Variants in COLEC11 observed in about 807,000 individuals in gnomAD.
COLEC11 encodes collectin subfamily member 11.
Under a neutral mutation model 27.3 loss-of-function variants are expected in COLEC11, and 20 were observed. The observed-to-expected ratio is 0.73, with a 90% CI of 0.51 to 1.06. The LOEUF is 1.06. Ranked by LOEUF, COLEC11 falls within the 50% of genes least tolerant of loss-of-function variation. The pLI is 0.00. For synonymous variants in COLEC11, 163 were observed against 154.7 expected (o/e 1.05, Z -0.40); for missense variants, 310 against 383.0 (o/e 0.81, Z 1.59).
chr2:3,613,192 G>A (rs1319782697), intron 2 of COLEC11, 119 bp from the exon 3 acceptor site: 13 of 1,068,314 alleles, frequency 1.2e-5, no homozygotes, highest in Admixed American at 2.0e-5. Flanking sequence ...GGGAGAGAAG[G>A]GGCTTGGCCA....
intron 3 of COLEC11, among the ~76,000 whole-genome samples, chr2:3,635,874 T>C (rs1485611170): frequency 6.6e-6 from 1 of 152,258 alleles, no homozygotes; most frequent in Non-Finnish European, 1.5e-5. Context: ...CCGGGCCATG[T>C]CATTTTCATA....
At chr2:3,634,897 C>A (rs1226189415) in intron 3 of COLEC11, among the ~76,000 whole-genome samples, 1 of 142,822 alleles carries the variant, frequency 7.0e-6, no homozygotes, top group Non-Finnish European at 1.5e-5. Flanking sequence ...ATGTCTTGGA[C>A]CCTGTCCTCA....
chr2:3,642,781 G>A (rs959246298), intron 5 of COLEC11, among the ~76,000 whole-genome samples: 8 of 152,118 alleles, frequency 5.3e-5, no homozygotes, highest in Non-Finnish European at 1.0e-4. Context: ...CTGTGGGCGC[G>A]GCCTGCCTTC....
chr2:3,605,131 C>G (rs961569196), intron 2 of COLEC11: 7 of 466,676 alleles, frequency 1.5e-5, no homozygotes, highest in Admixed American at 4.9e-5. Flanking sequence ...GCAACAGGTC[C>G]CCAAGCCTGG....
intron 1 of COLEC11, chr2:3,603,606 T>C (rs1662400624): frequency 6.4e-7 from 1 of 1,550,444 alleles, no homozygotes. Flanking sequence ...TGTGAGCCAC[T>C]GCGCCTGGTC....
intron 2 of COLEC11, among the ~76,000 whole-genome samples, chr2:3,612,910 T>C (rs1482823857): frequency 1.3e-5 from 2 of 151,996 alleles, no homozygotes; most frequent in East Asian, 3.9e-4. Context: ...ACCAAGCAGA[T>C]GAAGCTCAGG....
chr2:3,607,058 C>T (rs979553155), intron 2 of COLEC11, among the ~76,000 whole-genome samples: 15 of 152,220 alleles, frequency 9.9e-5, no homozygotes, highest in African/African-American at 3.4e-4. Context: ...GTCTGAGAAA[C>T]ACAGCACGCG....
intron 2 of COLEC11, chr2:3,606,125 G>C: frequency 1.9e-6 from 3 of 1,550,636 alleles, no homozygotes; most frequent in Non-Finnish European, 2.6e-6. Flanking sequence ...GGAACCTTCA[G>C]CTTTAGGTTG....
chr2:3,613,342 C>CCCCGGACGGCCTGGAAGAGTCGG lies in COLEC11; in HGVS notation c.166_188dup (p.Thr64AspfsTer45). ...CGGGAGAGAAGGGAGACAAAGGCGC[C>CCCCGGACGGCCTGGAAGAGTCGG]CCCGGACGGCCTGGAAGAGTCGGCC... On this transcript the variant is annotated frameshift_variant, in exon 3 of 7. Transcript: ENST00000349077. LOFTEE classifies it high-confidence loss of function. The CCCCGGACGGCCTGGAAGAGTCGG allele has an allele frequency of 6.2e-7, 1 of 1,610,082 alleles. No individual in the cohort carries two copies. The highest frequency in any genetic ancestry group is 8.5e-7 in the Non-Finnish European group (1 of 1,178,406).
At chr2:3,643,629 G>T in intron 6 of COLEC11, 90 bp downstream of exon 6, 1 of 1,598,316 alleles carries the variant, frequency 6.3e-7, no homozygotes, top group Admixed American at 1.7e-5. Context: ...GCCCACGCCT[G>T]CCCTGCCTGC....
chr2:3,606,316 G>T, intron 2 of COLEC11: 1 of 1,324,448 alleles, frequency 7.6e-7, no homozygotes, highest in Non-Finnish European at 1.1e-6. Context: ...TTTCCCAGGT[G>T]CTGTTGGGAG....
chr2:3,616,372 G>A (rs1262580170), intron 3 of COLEC11, among the ~76,000 whole-genome samples: 2 of 151,846 alleles, frequency 1.3e-5, no homozygotes, highest in African/African-American at 4.9e-5. Flanking sequence ...CCGGGCAGAG[G>A]CTGCAATCTC....
chr2:3,607,190 T>G (rs1662786132), intron 2 of COLEC11, among the ~76,000 whole-genome samples: 1 of 152,156 alleles, frequency 6.6e-6, no homozygotes, highest in South Asian at 2.1e-4. Flanking sequence ...CTGGTGGTGC[T>G]TGAGATGACA....
At chr2:3,608,479 G>C (rs1308073525) in intron 2 of COLEC11, among the ~76,000 whole-genome samples, 1 of 152,152 alleles carries the variant, frequency 6.6e-6, no homozygotes, top group Non-Finnish European at 1.5e-5. Flanking sequence ...TACCTGCAGG[G>C]ACATACATCT....
chr2:3,604,250 GCTCA>G (rs1662455886), intron 1 of COLEC11, 61 bp from the exon 2 acceptor site: 3 of 1,587,438 alleles, frequency 1.9e-6, no homozygotes, highest in African/African-American at 1.3e-5. Context: ...TCCGAGGCCT[GCTCA>G]CTGTCACTGG....
At chr2:3,643,567 T>C (rs1666036072) in intron 6 of COLEC11, 28 bp downstream of exon 6, 2 of 1,605,856 alleles carry the variant, frequency 1.2e-6, no homozygotes, top group African/African-American at 2.7e-5. Context: ...CCGCCCTCGC[T>C]CCCTCCCACC....
rs191257032 is a variant in COLEC11, at chr2:3,610,314, C to T, written c.131-2997C>T. Among the ~76,000 whole-genome samples, 24 of 152,266 alleles carry T rather than the reference C, an allele frequency of 1.6e-4. 1 individual carries two copies. The East Asian group carries it at 4.1e-3, about 26-fold the overall frequency. ...TACAAACTCCAGGAGCTTTCTTAAG[C>T]AGTATGAGAAGAGCTGGCAGACCTG... On this transcript the variant is annotated intron_variant, in intron 2 of 6. Coordinates refer to ENST00000349077, the MANE Select transcript of COLEC11 (RefSeq NM_024027.5).
rs377174023 is a variant in COLEC11 at position 3,606,517 on chromosome 2, C to T, written c.130+2047C>T. Among the ~76,000 whole-genome samples the T allele has an allele frequency of 1.0e-3, 154 of 152,300 alleles. 1 individual carries two copies. The East Asian group carries it at 0.024, about 23-fold the overall frequency. On this transcript the variant is annotated intron_variant, in intron 2 of 6. Transcript: ENST00000349077. The stretch of plus-strand genomic sequence containing the variant: ...CTCCTGGTCCGTGAGGTTGGGGAGG[C>T]GATGCCAGCTTGGGGCTCTGTGGGG...
intron 4 of COLEC11, 138 bp downstream of exon 4, chr2:3,637,742 A>G: frequency 3.8e-6 from 3 of 781,164 alleles, no homozygotes; most frequent in Non-Finnish European, 6.8e-6. Context: ...TAAGAAATCT[A>G]CTGCAGTACT....
Sources: allele counts gnomAD v4.1 joint callset (sites outside exome capture counted in the v4.1 genomes callset), GRCh38; gene constraint gnomAD v4.1.1; transcripts MANE v1.5; gene names NCBI Gene and HGNC (gene_info 2026-07-23, HGNC 2026-07-21).